The following YLPM1 variants were observed in gnomAD, a reference collection of about 807,000 sequenced individuals.
YLPM1 encodes YLP motif-containing protein 1.
In YLPM1, 99 loss-of-function variants were observed where a neutral mutation model predicts 230.0. The observed-to-expected ratio is 0.43, with a 90% CI of 0.37 to 0.51. The LOEUF (loss-of-function observed/expected upper bound fraction) is 0.51, where lower values mean the gene tolerates loss of function less well. YLPM1 is among the 20% of genes least tolerant of loss of function. The pLI is 0.00. For missense variants in YLPM1, 2,592 were observed against 2,707.7 expected, an observed-to-expected ratio of 0.96 and a Z score of 0.95; for synonymous variants, 984 against 942.5, an observed-to-expected ratio of 1.04 and a Z score of -0.81.
chr14:74,788,151 C>A (rs758834740), intron 4 of YLPM1, among the ~76,000 whole-genome samples: 3 of 149,828 alleles, frequency 2.0e-5, no homozygotes, highest in Non-Finnish European at 4.4e-5. Context: ...GATGGAGTCT[C>A]GCTCTGTCGC....
intron 1 of YLPM1, among the ~76,000 whole-genome samples, chr14:74,771,480 CT>C (rs1167163804): frequency 1.3e-5 from 2 of 152,148 alleles, no homozygotes; most frequent in African/African-American, 4.8e-5. Flanking sequence ...TTTGCTATTA[CT>C]TTTAATGGCA....
At chr14:74,827,123 GA>G (rs1221523486) in intron 18 of YLPM1, among the ~76,000 whole-genome samples, 1 of 152,094 alleles carries the variant, frequency 6.6e-6, no homozygotes, top group African/African-American at 2.4e-5. Flanking sequence ...TTTACATTTA[GA>G]AAATACATAG....
At chr14:74,792,592 C>T (rs566326829) in intron 4 of YLPM1, among the ~76,000 whole-genome samples, 7 of 152,350 alleles carry the variant, frequency 4.6e-5, no homozygotes, top group African/African-American at 1.7e-4. Context: ...CAATGGCATC[C>T]TCTTTCAATT....
chr14:74,783,380 C>A (rs1210239544), intron 4 of YLPM1, among the ~76,000 whole-genome samples: 1 of 152,150 alleles, frequency 6.6e-6, no homozygotes, highest in Non-Finnish European at 1.5e-5. Flanking sequence ...AGCCACCACG[C>A]TCAGCCAGAA....
intron 2 of YLPM1, among the ~76,000 whole-genome samples, chr14:74,780,123 G>A (rs2091078668): frequency 6.6e-6 from 1 of 151,964 alleles, no homozygotes; most frequent in Admixed American, 6.6e-5. Flanking sequence ...TTTCCACTGG[G>A]AAAATTGTTG....
At chr14:74,819,579 T>C in intron 16 of YLPM1, among the ~76,000 whole-genome samples, 1 of 151,988 alleles carries the variant, frequency 6.6e-6, no homozygotes. Context: ...CCAACCGTCA[T>C]TGTTCTTTTA....
Position 74,797,590 on chromosome 14 carries a change from C to A in YLPM1, c.2293C>A (p.Pro765Thr). The change falls in exon 5 of 21, where the codon CCT (proline) becomes ACT (threonine). Residue 765 changes from proline (P) to threonine (T), a missense_variant. Physicochemically the swap from Pro to Thr is conservative, Grantham distance 38 (BLOSUM62 -1). This residue lies in a region of YLPM1 where 1,862 missense variants were observed against 1,819.8 expected (regional missense o/e 1.02). Coordinates refer to ENST00000325680, the MANE Select transcript of YLPM1 (RefSeq NM_019589.3). ...ESPRGPRFDG[P>T]RRFEDLGSRC... ...TTGTTTTACTTGTAGATTTGATGGT[C>A]CTCGAAGATTTGAGGATTTAGGGTC... 6.8e-7 allele frequency: 1 copy of A among 1,472,918 alleles called. No homozygotes were observed. Among genetic ancestry groups the A allele is most frequent in the East Asian group, 2.4e-5 (1 of 41,646 alleles). 91.2% of individuals were successfully genotyped at this position (1,472,918 alleles called of 1,614,324 possible).
intron 1 of YLPM1, among the ~76,000 whole-genome samples, chr14:74,776,414 C>T (rs900278445): frequency 1.3e-5 from 2 of 152,168 alleles, no homozygotes; most frequent in Admixed American, 6.5e-5. Context: ...TCATGGCCAA[C>T]AGCACTGTAG....
At chr14:74,773,771 A>AGT (rs1229550482) in intron 1 of YLPM1, among the ~76,000 whole-genome samples, 1 of 117,972 alleles carries the variant, frequency 8.5e-6, no homozygotes, top group Non-Finnish European at 1.6e-5. Context: ...CCCAGGCTGG[A>AGT]GTGCAATGGC....
intron 16 of YLPM1, 104 bp downstream of exon 16, chr14:74,818,418 A>G: frequency 1.2e-6 from 1 of 860,508 alleles, no homozygotes; most frequent in South Asian, 2.3e-5. Context: ...AATAGTATTC[A>G]TACAAGAACA....
chr14:74,799,742 T>G, intron 5 of YLPM1, 45 bp downstream of exon 5: 1 of 1,518,528 alleles, frequency 6.6e-7, no homozygotes, highest in Non-Finnish European at 8.8e-7. Flanking sequence ...AAAACCACAT[T>G]CAGACTGCTC....
At chr14:74,767,839 G>C (rs1555364998) in intron 1 of YLPM1, among the ~76,000 whole-genome samples, 1 of 149,482 alleles carries the variant, frequency 6.7e-6, no homozygotes, top group African/African-American at 2.5e-5. Context: ...TTTTGAATTA[G>C]AAGTTAACTC....
rs1381010473 is a variant in YLPM1 at position 74,798,405 on chromosome 14, A to G, written c.3108A>G (p.Leu1036=). The part of the protein sequence containing the change: ...SRMEDTRDKG[L]VNRGRGQAIS... ...TGGAAGACACACGGGATAAAGGTCTAGTAAACAGAGGTCGCGGCCAGGCAA... is the reference window on the plus strand; with the variant it reads ...TGGAAGACACACGGGATAAAGGTCTGGTAAACAGAGGTCGCGGCCAGGCAA... The change falls in exon 5 of 21, where the codon CTA becomes CTG. Residue 1036 remains leucine, a synonymous_variant. Coordinates refer to ENST00000325680, the MANE Select transcript of YLPM1 (RefSeq NM_019589.3). The G allele has an allele frequency of 1.9e-6, 3 of 1,614,040 alleles. No homozygotes were observed. The highest frequency in any genetic ancestry group is 1.1e-5 in the South Asian group (1 of 91,088).
At chr14:74,809,867 A>G (rs757971076) in intron 7 of YLPM1, 43 bp from the exon 8 acceptor site, 32 of 1,605,362 alleles carry the variant, frequency 2.0e-5, no homozygotes, top group Admixed American at 5.2e-5. Context: ...AGCTTTCTCT[A>G]GCTTCACTCT....
Position 74,763,575 on chromosome 14 carries a change from A to C in YLPM1, c.86A>C (p.Glu29Ala), listed in dbSNP as rs201738923. 1.3e-3 allele frequency: 2,083 copies of C among 1,579,550 alleles called. 2 individuals are homozygous for C. Among genetic ancestry groups the C allele is most frequent in the Middle Eastern group, 1.7e-3 (10 of 5,900 alleles). The change falls in exon 1 of 21, where the codon GAG (glutamate) becomes GCG (alanine). Residue 29 changes from glutamate to alanine, a missense_variant. Transcript: ENST00000325680. ...VPPPPPVALP[E>A]ASPGPGYSSS... Reference sequence around the variant, plus strand: ...CCGCCGCCGCCAGTGGCGCTTCCTGAGGCCTCGCCGGGGCCCGGGTACTCG... The same window carrying C: ...CCGCCGCCGCCAGTGGCGCTTCCTGCGGCCTCGCCGGGGCCCGGGTACTCG...
intron 10 of YLPM1, 71 bp from the exon 11 acceptor site, chr14:74,812,557 G>A (rs1013865019): frequency 8.8e-6 from 13 of 1,479,208 alleles, no homozygotes; most frequent in African/African-American, 1.4e-5. Context: ...ACCTTAGGAT[G>A]TGTGGGGAGA....
In YLPM1 at chr14:74,764,294, G is replaced by A. The variant is rs747962913; in HGVS notation, c.805G>A (p.Ala269Thr). 20 of 1,613,640 alleles carry A rather than the reference G, an allele frequency of 1.2e-5. No homozygotes were observed. The South Asian group carries it at 2.1e-4, about 17-fold the overall frequency. ...CCAGCAAGAGCCTTTGGAGAGTGGG[G>A]CCAAAAACAAGAGTACTGAACAGCA... ...TVQQEPLESGAKNKSTEQQQA... is the reference protein window; with the variant it reads ...TVQQEPLESGTKNKSTEQQQA... The change falls in exon 1 of 21, where the codon GCC (alanine) becomes ACC (threonine). Residue 269 changes from alanine (A) to threonine (T), a missense_variant. Ala to Thr is a moderately conservative substitution (Grantham distance 58, BLOSUM62 0). Coordinates refer to ENST00000325680, the MANE Select transcript of YLPM1 (RefSeq NM_019589.3).
chr14:74,788,422 C>G (rs2091170865), intron 4 of YLPM1, among the ~76,000 whole-genome samples: 1 of 152,204 alleles, frequency 6.6e-6, no homozygotes, highest in Non-Finnish European at 1.5e-5. Flanking sequence ...GCCTGGCCTT[C>G]TGTCACATAT....
At chr14:74,795,568 A>G (rs1471125681) in intron 4 of YLPM1, among the ~76,000 whole-genome samples, 1 of 152,180 alleles carries the variant, frequency 6.6e-6, no homozygotes, top group African/African-American at 2.4e-5. Context: ...AATCCTATCA[A>G]TTCTACCTTA....
Sources: allele counts gnomAD v4.1 joint callset (sites outside exome capture counted in the v4.1 genomes callset), GRCh38; gene constraint gnomAD v4.1.1; regional missense constraint gnomAD v4.1.1; transcripts MANE v1.5; gene names NCBI Gene and HGNC (gene_info 2026-07-23, HGNC 2026-07-21).